Variants in METTL25 observed in about 807,000 individuals in gnomAD.
The protein encoded by METTL25 is methyltransferase like 25.
In METTL25, 64 loss-of-function variants were observed where a neutral mutation model predicts 71.6. That is an observed-to-expected ratio of 0.89 (90% CI 0.73 to 1.10). The LOEUF (loss-of-function observed/expected upper bound fraction) is 1.10, where lower values mean the gene tolerates loss of function less well. METTL25 is among the 50% of genes least tolerant of loss of function. The pLI is 0.00. For missense variants in METTL25, 807 were observed against 707.0 expected, an observed-to-expected ratio of 1.14 and a Z score of -1.60; for synonymous variants, 287 against 250.3, an observed-to-expected ratio of 1.15 and a Z score of -1.38.
rs2136958916 is a variant in METTL25, at chr12:82,389,835, T to C, written c.444T>C (p.Val148=). 1 of 1,602,284 alleles carries C rather than the reference T, an allele frequency of 6.2e-7. No individual in the cohort carries two copies. The highest frequency in any genetic ancestry group is 8.5e-7 in the Non-Finnish European group (1 of 1,172,456). Residue 148 remains valine (V), a synonymous_variant, in exon 3 of 12, where the codon GTT becomes GTC. Coordinates refer to ENST00000248306, the MANE Select transcript of METTL25 (RefSeq NM_032230.3). The part of the protein sequence containing the change: ...NQRIGENQKA[V]EFMNMKKSHE... ...CATTAGGTGAAAATCAGAAGGCAGT[T>C]GAGTTTATGAATATGAAGAAATCTC...
chr12:82,472,267 A>G (rs1892613708), intron 9 of METTL25, among the ~76,000 whole-genome samples: 1 of 151,992 alleles, frequency 6.6e-6, no homozygotes, highest in Non-Finnish European at 1.5e-5. Context: ...TTGTATGTGC[A>G]CTCATCAATA....
At chr12:82,438,919 C>A in intron 8 of METTL25, 128 bp downstream of exon 8, 2 of 699,010 alleles carry the variant, frequency 2.9e-6, no homozygotes, top group South Asian at 5.0e-5. Flanking sequence ...AGCATAATGT[C>A]AATAACAAGT....
intron 1 of METTL25, among the ~76,000 whole-genome samples, chr12:82,375,186 A>T (rs180868811): frequency 3.3e-5 from 5 of 152,310 alleles, no homozygotes; most frequent in Admixed American, 2.0e-4. Flanking sequence ...CTCCAAATTC[A>T]TATGCTAAAT....
intron 6 of METTL25, among the ~76,000 whole-genome samples, chr12:82,434,130 T>C (rs769627777): frequency 6.6e-6 from 1 of 151,306 alleles, no homozygotes; most frequent in African/African-American, 2.4e-5. Context: ...TACTTTCTCT[T>C]CTACCTGGTA....
intron 3 of METTL25, among the ~76,000 whole-genome samples, chr12:82,397,675 A>G (rs1267467024): frequency 6.6e-6 from 1 of 152,030 alleles, no homozygotes; most frequent in Admixed American, 6.6e-5. Context: ...CAGTTATACC[A>G]GCACCATTTG....
chr12:82,465,039 T>G (rs1050826728), intron 9 of METTL25, among the ~76,000 whole-genome samples: 2 of 151,978 alleles, frequency 1.3e-5, no homozygotes, highest in African/African-American at 4.8e-5. Context: ...TAAGATCATG[T>G]CATCTGGAAA....
chr12:82,412,175 CA>C lies in METTL25; in HGVS notation c.1279+9053del, dbSNP rs58911237. Among the ~76,000 whole-genome samples, 446 of 151,818 alleles carry C rather than the reference CA, an allele frequency of 2.9e-3. 3 individuals are homozygous for C. The highest frequency in any genetic ancestry group is 0.01 in the African/African-American group (420 of 41,484). ...AAATAAAACTAGTACTTACATTTTA[CA>C]AAAAAAATAACTGAACTCTTTTTCT... On this transcript the variant is annotated intron_variant, in intron 5 of 11. Coordinates refer to ENST00000248306, the MANE Select transcript of METTL25 (RefSeq NM_032230.3).
chr12:82,415,215 C>T (rs1887877147), intron 5 of METTL25, among the ~76,000 whole-genome samples: 1 of 152,084 alleles, frequency 6.6e-6, no homozygotes, highest in African/African-American at 2.4e-5. Flanking sequence ...GTAGATATGA[C>T]TCCATTAAAG....
chr12:82,360,294 C>G (rs1288979439), intron 1 of METTL25, among the ~76,000 whole-genome samples: 1 of 151,976 alleles, frequency 6.6e-6, no homozygotes, highest in African/African-American at 2.4e-5. Context: ...CTGTAGTGTG[C>G]TAAGTGTCTT....
chr12:82,373,708 G>C (rs947088914), intron 1 of METTL25, among the ~76,000 whole-genome samples: 1 of 152,192 alleles, frequency 6.6e-6, no homozygotes, highest in African/African-American at 2.4e-5. Flanking sequence ...GAGCTGATTG[G>C]CTTTTCTCTC....
chr12:82,402,323 C>A (rs181513575), intron 4 of METTL25, among the ~76,000 whole-genome samples: 3 of 152,012 alleles, frequency 2.0e-5, no homozygotes, highest in African/African-American at 7.2e-5. Flanking sequence ...TTTTGATGGG[C>A]AATCTGAGAC....
chr12:82,439,056 T>A (rs910253259), intron 8 of METTL25: 18 of 236,186 alleles, frequency 7.6e-5, no homozygotes, highest in Middle Eastern at 2.7e-3. Flanking sequence ...TTTTGAAGTA[T>A]TAAAATATTA....
intron 5 of METTL25, among the ~76,000 whole-genome samples, chr12:82,406,527 G>A (rs1448281047): frequency 1.3e-5 from 2 of 151,858 alleles, no homozygotes; most frequent in Non-Finnish European, 2.9e-5. Context: ...ATTTTGCAAG[G>A]TGTTTAATAT....
At chr12:82,368,121 CAG>C (rs2136833232) in intron 1 of METTL25, among the ~76,000 whole-genome samples, 1 of 152,114 alleles carries the variant, frequency 6.6e-6, no homozygotes, top group South Asian at 2.1e-4. Flanking sequence ...GATGCAGAGT[CAG>C]AAGACCTGAT....
chr12:82,462,363 T>A (rs1426812335), intron 9 of METTL25, among the ~76,000 whole-genome samples: 4 of 152,142 alleles, frequency 2.6e-5, no homozygotes, highest in Admixed American at 6.6e-5. Flanking sequence ...ATTCCCCACT[T>A]CACCCTACCC....
At chr12:82,401,121 C>T (rs964428424) in intron 4 of METTL25, among the ~76,000 whole-genome samples, 1 of 152,004 alleles carries the variant, frequency 6.6e-6, no homozygotes, top group African/African-American at 2.4e-5. Context: ...AAGGATAGTG[C>T]TTGAAGCAAC....
At chr12:82,470,423 A>C (rs1892503765) in intron 9 of METTL25, among the ~76,000 whole-genome samples, 1 of 152,206 alleles carries the variant, frequency 6.6e-6, no homozygotes. Flanking sequence ...TGGACCAAGT[A>C]GAAACTAGGT....
At chr12:82,455,155 T>A (rs1891398516) in intron 8 of METTL25, among the ~76,000 whole-genome samples, 1 of 149,880 alleles carries the variant, frequency 6.7e-6, no homozygotes, top group South Asian at 2.1e-4. Context: ...GCTTGTCCTT[T>A]TGGATTAAAA....
intron 5 of METTL25, among the ~76,000 whole-genome samples, chr12:82,415,099 A>T (rs1356596058): frequency 1.3e-5 from 2 of 152,176 alleles, no homozygotes; most frequent in Admixed American, 6.6e-5. Context: ...TGCCAAACCA[A>T]CACAATGTTT....
Sources: gnomAD v4.1 joint callset for allele counts (sites outside exome capture counted in the v4.1 genomes callset) on GRCh38, gnomAD v4.1.1 for gene constraint, MANE v1.5 for transcripts, NCBI Gene and HGNC (gene_info 2026-07-23, HGNC 2026-07-21) for gene names.